PAPLN: variants seen among roughly 807,000 people sequenced by gnomAD.
The protein encoded by PAPLN is papilin.
A neutral mutation model predicts 159.0 loss-of-function variants in PAPLN; 146 were observed. The observed-to-expected ratio is 0.92, with a 90% CI of 0.80 to 1.05. PAPLN has a LOEUF of 1.05. PAPLN is among the 50% of genes least tolerant of loss of function. The pLI is 0.00. For missense variants in PAPLN, 1,720 were observed against 1,743.9 expected (o/e 0.99, Z 0.24); for synonymous variants, 734 against 702.9 (o/e 1.04, Z -0.70).
rs45574438 is a variant in PAPLN at position 73,264,605 on chromosome 14, C to T, written c.3004C>T (p.Leu1002=). The part of the protein sequence containing the change: ...LRIIGGDMAV[L]SEAELSRFPQ... Reference sequence around the variant, plus strand: ...CATGACAGGGGGTGACATGGCCGTGCTGTCTGAGGCTGAGCTGAGCCGCTT... The same window carrying T: ...CATGACAGGGGGTGACATGGCCGTGTTGTCTGAGGCTGAGCTGAGCCGCTT... The change falls in exon 22 of 27, where the codon CTG becomes TTG. Residue 1002 remains leucine (L), a synonymous_variant. Transcript: ENST00000644200. The T allele has an allele frequency of 0.026, 40,905 of 1,599,428 alleles. 2,673 individuals are homozygous for T. The highest frequency in any genetic ancestry group is 0.18 in the African/African-American group (13,586 of 73,916).
chr14:73,272,264 A>C (rs1330980196), intron 26 of PAPLN: 1 of 392,944 alleles, frequency 2.5e-6, no homozygotes, highest in African/African-American at 2.0e-5. Context: ...GAGGCCACAA[A>C]TAATAATGGG....
chr14:73,246,114 C>CGCGGAGTTCGACGGA lies in PAPLN; in HGVS notation c.283_297dup (p.Asp95_Phe99dup), dbSNP rs1566674015. ...CCCGGGACTTCCGGGCCGAGCAGTG[C>CGCGGAGTTCGACGGA]GCGGAGTTCGACGGAGCGGAGTTCC... On this transcript the variant is annotated inframe_insertion, in exon 5 of 27. Transcript: ENST00000644200. 2.5e-6 allele frequency: 4 copies of CGCGGAGTTCGACGGA among 1,589,728 alleles called. No individual in the cohort carries two copies. In the South Asian group the frequency reaches 4.5e-5, roughly 18 times the overall value.
At chr14:73,246,032 A>C (rs758073270) in intron 4 of PAPLN, 41 bp from the exon 5 acceptor site, 43 of 1,488,126 alleles carry the variant, frequency 2.9e-5, no homozygotes, top group South Asian at 1.1e-4. Context: ...CGGACCTCGG[A>C]CTCCGCCCTC....
chr14:73,268,823 C>T, intron 26 of PAPLN, 100 bp downstream of exon 26: 1 of 1,331,588 alleles, frequency 7.5e-7, no homozygotes, highest in Middle Eastern at 2.1e-4. Context: ...TGGTTTGAAT[C>T]CTGGCTCACC....
Position 73,252,002 on chromosome 14 carries a change from G to A in PAPLN, c.844-16G>A, listed in dbSNP as rs373987576. 3.1e-5 allele frequency: 49 copies of A among 1,598,010 alleles called. No homozygotes were observed. Among genetic ancestry groups the A allele is most frequent in the Middle Eastern group, 1.7e-4 (1 of 5,978 alleles). On this transcript the variant is annotated splice_polypyrimidine_tract_variant and intron_variant, in intron 9 of 26. Transcript: ENST00000644200. ...CTCCCCAGCAGCAGACCCCAACAAG[G>A]ACTCTCCCGTGACAGCTCATCAGCC... is the stretch of plus-strand genomic sequence containing the variant.
chr14:73,240,972 C>A (rs1266471776), intron 2 of PAPLN, among the ~76,000 whole-genome samples: 2 of 152,044 alleles, frequency 1.3e-5, no homozygotes, highest in African/African-American at 4.8e-5. Flanking sequence ...GAGGAAGGAT[C>A]CCTGCGAAAG....
chr14:73,264,578 CTCA>C lies in PAPLN; in HGVS notation c.2987-8_2987-6del. On this transcript the variant is annotated splice_polypyrimidine_tract_variant and splice_region_variant and intron_variant, in intron 21 of 26. Transcript: ENST00000644200. ...CAGCTCACACCTTGTTTCTCCTGGC[CTCA>C]TGACAGGGGGTGACATGGCCGTGCT... 6.3e-7 allele frequency: 1 copy of C among 1,594,748 alleles called. No homozygotes were observed. The highest frequency in any genetic ancestry group is 8.5e-7 in the Non-Finnish European group (1 of 1,174,220).
At chr14:73,236,715 C>T (rs1294347128), upstream of PAPLN, among the ~76,000 whole-genome samples, 3 of 151,560 alleles carry the variant, frequency 2.0e-5, no homozygotes, top group African/African-American at 4.9e-5. Context: ...ACTAGGGAGG[C>T]TGAGGCTGGA....
intron 14 of PAPLN, among the ~76,000 whole-genome samples, chr14:73,258,490 T>G (rs1886173494): frequency 6.6e-6 from 1 of 151,984 alleles, no homozygotes; most frequent in South Asian, 2.1e-4. Context: ...CATGTAAGAT[T>G]AGCATTTTTC....
chr14:73,245,508 G>A lies in PAPLN; in HGVS notation c.171-128G>A. The stretch of plus-strand genomic sequence containing the variant: ...CTGGGGGATTTACGGGGTGGGGTCG[G>A]GGGACACCCTCTCACCTTGCTGCTC... On this transcript the variant is annotated intron_variant, in intron 3 of 26. Transcript: ENST00000644200. The surrounding 1 kb of genome is among the most constrained non-coding windows in gnomAD (Gnocchi z 4.2). 9.6e-7 allele frequency: 1 copy of A among 1,036,758 alleles called. No homozygotes were observed. The highest frequency in any genetic ancestry group is 1.6e-5 in the South Asian group (1 of 64,362). The allele number at this position is 1,036,758 out of a possible 1,614,324, so 64.2% of individuals were successfully genotyped here. A position where few individuals can be genotyped will look rare whatever the true frequency, so the allele number is the denominator to read the frequency against.
In PAPLN at chr14:73,251,718, C is replaced by T. The variant is rs150353286; in HGVS notation, c.725C>T (p.Ala242Val). 173 of 1,613,280 alleles carry T rather than the reference C, an allele frequency of 1.1e-4. No individual in the cohort carries two copies. The highest frequency in any genetic ancestry group is 6.6e-4 in the Middle Eastern group (4 of 6,062). Residue 242 changes from alanine to valine, a missense_variant, in exon 9 of 27, where the codon GCG (alanine) becomes GTG (valine). Transcript: ENST00000644200. Reference protein sequence around the residue: ...YYLNGHWTIEAARALPAASTI... With the variant: ...YYLNGHWTIEVARALPAASTI... Reference sequence around the variant, plus strand: ...CTCAATGGGCACTGGACCATCGAGGCGGCCCGGGCCCTGCCAGCAGCCAGC... The same window carrying T: ...CTCAATGGGCACTGGACCATCGAGGTGGCCCGGGCCCTGCCAGCAGCCAGC...
At chr14:73,261,545 G>A (rs1255048477) in intron 18 of PAPLN, among the ~76,000 whole-genome samples, 1 of 152,222 alleles carries the variant, frequency 6.6e-6, no homozygotes, top group Non-Finnish European at 1.5e-5. Flanking sequence ...GATCCCAAGG[G>A]CCTGGGAGGC....
At chr14:73,268,807 G>T in intron 26 of PAPLN, 84 bp downstream of exon 26, 1 of 1,432,426 alleles carries the variant, frequency 7.0e-7, no homozygotes, top group Non-Finnish European at 9.2e-7. Flanking sequence ...GCAGTCTGAG[G>T]GACTCTGGTT....
At chr14:73,246,247 G>GT in intron 5 of PAPLN, 72 bp downstream of exon 5, 1 of 1,271,152 alleles carries the variant, frequency 7.9e-7, no homozygotes, top group Non-Finnish European at 1.1e-6. Context: ...TCCTATTGCC[G>GT]TATTATAGAG....
At chr14:73,258,869 C>T in intron 14 of PAPLN, 110 bp from the exon 15 acceptor site, 1 of 1,013,752 alleles carries the variant, frequency 9.9e-7, no homozygotes, top group Non-Finnish European at 1.3e-6. Context: ...GTTCCCAGGC[C>T]CTGCCTGGGC....
intron 21 of PAPLN, 61 bp downstream of exon 21, chr14:73,264,396 T>TG (rs1260416177): frequency 1.3e-6 from 2 of 1,575,316 alleles, no homozygotes; most frequent in South Asian, 2.4e-5. Context: ...AAGGCCAGGA[T>TG]GGGGAGCCTG....
At chr14:73,258,447 G>T (rs914073576) in intron 14 of PAPLN, among the ~76,000 whole-genome samples, 1 of 151,798 alleles carries the variant, frequency 6.6e-6, no homozygotes, top group South Asian at 2.1e-4. Flanking sequence ...ATCATAACAC[G>T]TGCACATTTT....
In PAPLN at chr14:73,245,476, C is replaced by G. The variant is rs1884122585; in HGVS notation, c.171-160C>G. 1 of 742,376 alleles carries G rather than the reference C, an allele frequency of 1.3e-6. No individual in the cohort carries two copies. The highest frequency in any genetic ancestry group is 1.8e-5 in the South Asian group (1 of 54,364). 46.0% of individuals were successfully genotyped at this position (742,376 alleles called of 1,614,324 possible). Reference sequence around the variant, plus strand: ...CTGGAGTACCAACATGGGTCGCTCACTCCCACCTGGGGGATTTACGGGGTG... The same window carrying G: ...CTGGAGTACCAACATGGGTCGCTCAGTCCCACCTGGGGGATTTACGGGGTG... On this transcript the variant is annotated intron_variant, in intron 3 of 26. Transcript: ENST00000644200. The surrounding 1 kb of genome is among the most constrained non-coding windows in gnomAD (Gnocchi z 4.2).
At chr14:73,251,094 G>A in intron 7 of PAPLN, 64 bp downstream of exon 7, 1 of 1,550,316 alleles carries the variant, frequency 6.5e-7, no homozygotes, top group Non-Finnish European at 8.7e-7. Context: ...TTCCTTGCCT[G>A]TCCCTGCTCT....
Sources: gnomAD v4.1 joint callset for allele counts (sites outside exome capture counted in the v4.1 genomes callset) on GRCh38, gnomAD v4.1.1 for gene constraint, Gnocchi (gnomAD v3.1) non-coding constraint, MANE v1.5 for transcripts, NCBI Gene and HGNC (gene_info 2026-07-23, HGNC 2026-07-21) for gene names.